GATA4: variants seen among roughly 807,000 people sequenced by gnomAD.
GATA4 encodes transcription factor GATA-4.
A neutral mutation model predicts 37.9 loss-of-function variants in GATA4; 7 were observed. The ratio of observed to expected loss-of-function variants is 0.18; its 90% CI spans 0.11 to 0.35. The LOEUF (loss-of-function observed/expected upper bound fraction) is 0.35, where lower values mean the gene tolerates loss of function less well. GATA4 is among the 10% of genes least tolerant of loss of function. The pLI is 1.00. For missense variants in GATA4, 647 were observed against 653.0 expected, an observed-to-expected ratio of 0.99 and a Z score of 0.10; for synonymous variants, 372 against 292.6, an observed-to-expected ratio of 1.27 and a Z score of -2.77.
intron 2 of GATA4, among the ~76,000 whole-genome samples, chr8:11,730,247 C>A (rs1801140442): frequency 6.6e-6 from 1 of 152,132 alleles, no homozygotes; most frequent in Non-Finnish European, 1.5e-5. Context: ...GAGTAAGGAT[C>A]CAGCTGTCTT....
At chr8:11,680,558 G>A in intron 1 of GATA4, 5 of 985,366 alleles carry the variant, frequency 5.1e-6, no homozygotes, top group Non-Finnish European at 6.0e-6. Flanking sequence ...GTGGTCGCAC[G>A]CTGGTGGGCC....
At chr8:11,739,035 T>C (rs1032671855) in intron 2 of GATA4, among the ~76,000 whole-genome samples, 14 of 152,190 alleles carry the variant, frequency 9.2e-5, no homozygotes, top group African/African-American at 3.4e-4. Context: ...TGAGCCCAGA[T>C]GGGGATGCCA....
chr8:11,687,104 G>C (rs183993211), intron 1 of GATA4, among the ~76,000 whole-genome samples: 1 of 152,182 alleles, frequency 6.6e-6, no homozygotes, highest in Non-Finnish European at 1.5e-5. Context: ...GATGTGCAGA[G>C]GATGCCTTCC....
In GATA4 at chr8:11,758,321, A is replaced by C. The variant is rs766572598; in HGVS notation, c.1178A>C (p.His393Pro). 39 of 1,613,994 alleles carry C rather than the reference A, an allele frequency of 2.4e-5. No individual in the cohort carries two copies. The highest frequency in any genetic ancestry group is 3.1e-5 in the Non-Finnish European group (36 of 1,180,030). The change falls in exon 7 of 7, where the codon CAT becomes CCT. Residue 393 changes from histidine (H) to proline (P), a missense_variant. By Grantham distance (77) the His-to-Pro change is moderately conservative. Around this residue, in one of 5 missense-constraint regions of GATA4, gnomAD observed 184 missense variants for 157.1 expected, o/e 1.17. Transcript: ENST00000532059. ...QTFSVSAMSG[H>P]GPSIHPVLSA... ...TTCTCAGTCAGTGCGATGTCTGGCC[A>C]TGGGCCCTCCATCCACCCTGTCCTC... is the stretch of plus-strand genomic sequence containing the variant.
chr8:11,708,512 C>T lies in GATA4; in HGVS notation c.200C>T (p.Ser67Leu), dbSNP rs758170804. 4.1e-6 allele frequency: 6 copies of T among 1,472,170 alleles called. No individual in the cohort carries two copies. The South Asian group carries it at 7.9e-5, about 19-fold the overall frequency. 91.2% of individuals were successfully genotyped at this position (1,472,170 alleles called of 1,614,324 possible). ...GGAGSASGGASGGSSGGAASG... is the reference protein window; with the variant it reads ...GGAGSASGGALGGSSGGAASG... ...GCGGGCTCTGCGTCCGGAGGCGCCTCGGGCGGCAGCTCCGGTGGGGCCGCG... is the reference window on the plus strand; with the variant it reads ...GCGGGCTCTGCGTCCGGAGGCGCCTTGGGCGGCAGCTCCGGTGGGGCCGCG... The change falls in exon 2 of 7, where the codon TCG becomes TTG. Residue 67 changes from serine (S) to leucine (L), a missense_variant. Physicochemically the swap from Ser to Leu is moderately radical, Grantham distance 145. Transcript: ENST00000532059. The surrounding 1 kb of genome is among the most constrained non-coding windows in gnomAD (Gnocchi z 6.7).
chr8:11,686,105 C>CT (rs1799126758), intron 1 of GATA4, among the ~76,000 whole-genome samples: 1 of 152,046 alleles, frequency 6.6e-6, no homozygotes, highest in Non-Finnish European at 1.5e-5. Context: ...CTTCCTCCTG[C>CT]TTTACAAGAA....
intron 4 of GATA4, among the ~76,000 whole-genome samples, chr8:11,753,255 C>T (rs183749266): frequency 8.6e-4 from 131 of 152,232 alleles, no homozygotes; most frequent in African/African-American, 3.0e-3. Flanking sequence ...GCCCCTGACA[C>T]CACATGTCAA....
intron 2 of GATA4, among the ~76,000 whole-genome samples, chr8:11,747,882 A>G (rs767685824): frequency 6.6e-6 from 1 of 152,252 alleles, no homozygotes; most frequent in Non-Finnish European, 1.5e-5. Context: ...TTTGGTATTA[A>G]GCAAACGACC....
At chr8:11,678,302 T>C (rs960200734) in intron 1 of GATA4, among the ~76,000 whole-genome samples, 5 of 152,186 alleles carry the variant, frequency 3.3e-5, no homozygotes, top group African/African-American at 1.2e-4. Flanking sequence ...ATTACAAATA[T>C]TAGCTTTGTG....
rs1175408542 is a variant in GATA4 at position 11,681,025 on chromosome 8, CT to C, written c.-274+3963del. 4.3e-6 allele frequency: 4 copies of C among 936,358 alleles called. No individual in the cohort carries two copies. The African/African-American group carries it at 7.1e-5, about 17-fold the overall frequency. 58.0% of individuals were successfully genotyped at this position (936,358 alleles called of 1,614,324 possible). ...GCACCCCCGAATCCCATACCCCAGG[CT>C]GCAAAGCACAGATCTAATGCCTTCC... On this transcript the variant is annotated intron_variant, in intron 1 of 6. Transcript: ENST00000528712.
At chr8:11,699,987 G>A (rs1343758453), upstream of GATA4, among the ~76,000 whole-genome samples, 1 of 152,190 alleles carries the variant, frequency 6.6e-6, no homozygotes, top group Admixed American at 6.5e-5. Context: ...CTAAGATTCA[G>A]GAATCCAGGT....
At chr8:11,724,811 G>A (rs1260703094) in intron 2 of GATA4, among the ~76,000 whole-genome samples, 1 of 152,242 alleles carries the variant, frequency 6.6e-6, no homozygotes, top group Admixed American at 6.5e-5. Context: ...CCCAGCCTTG[G>A]GAGTGAGTGG....
intron 2 of GATA4, among the ~76,000 whole-genome samples, chr8:11,746,789 T>A (rs1802055843): frequency 6.6e-6 from 1 of 152,202 alleles, no homozygotes; most frequent in African/African-American, 2.4e-5. Flanking sequence ...GCGACCTTGG[T>A]GGAGGCTGTC....
In GATA4 at chr8:11,708,889, C is replaced by G; in HGVS notation, c.577C>G (p.Pro193Ala). 1 of 1,528,464 alleles carries G rather than the reference C, an allele frequency of 6.5e-7. No individual in the cohort carries two copies. Among genetic ancestry groups the G allele is most frequent in the African/African-American group, 1.4e-5 (1 of 72,394 alleles). 94.7% of individuals were successfully genotyped at this position (1,528,464 alleles called of 1,614,324 possible). A position where few individuals can be genotyped will look rare whatever the true frequency, so the allele number is the denominator to read the frequency against. The change falls in exon 2 of 7, where the codon CCC (proline) becomes GCC (alanine). Residue 193 changes from proline (P) to alanine (A), a missense_variant. By Grantham distance (27) the Pro-to-Ala change is conservative. Around this residue, in one of 5 missense-constraint regions of GATA4, gnomAD observed 379 missense variants for 334.5 expected, o/e 1.13. Transcript: ENST00000532059. The surrounding 1 kb of genome is among the most constrained non-coding windows in gnomAD (Gnocchi z 6.7). The part of the protein sequence containing the change: ...PFDSPVLHSL[P>A]GRANPAARHP... ...CGACAGCCCGGTCCTGCACAGCCTG[C>G]CCGGCCGGGCCAACCCGGCCGCCCG...
chr8:11,694,261 T>C (rs1299086873), intron 1 of GATA4, among the ~76,000 whole-genome samples: 1 of 152,236 alleles, frequency 6.6e-6, no homozygotes, highest in Non-Finnish European at 1.5e-5. Flanking sequence ...GGAATTCGAA[T>C]AATTCTGGAT....
upstream of GATA4, among the ~76,000 whole-genome samples, chr8:11,703,281 G>T (rs539149059): frequency 4.6e-5 from 7 of 152,270 alleles, no homozygotes; most frequent in African/African-American, 1.4e-4. Flanking sequence ...GCGGTAATAG[G>T]GCCCTGTGAT....
chr8:11,682,387 G>C (rs934748684), intron 1 of GATA4, among the ~76,000 whole-genome samples: 6 of 152,192 alleles, frequency 3.9e-5, no homozygotes, highest in African/African-American at 1.4e-4. Flanking sequence ...TCATAATAAT[G>C]ATAGAACAAT....
chr8:11,698,656 C>T (rs1192815921), intron 1 of GATA4, among the ~76,000 whole-genome samples: 1 of 152,156 alleles, frequency 6.6e-6, no homozygotes, highest in Non-Finnish European at 1.5e-5. Flanking sequence ...GTGCCCCTGG[C>T]TTCTGGTCAG....
intron 2 of GATA4, among the ~76,000 whole-genome samples, chr8:11,745,411 CAAAAAAAAAA>C (rs3030049): frequency 1.5e-4 from 16 of 104,034 alleles, no homozygotes; most frequent in Non-Finnish European, 2.1e-4. Context: ...TTGTCTCTAC[CAAAAAAAAAA>C]AAAAAAAAAA....
Sources: allele counts gnomAD v4.1 joint callset (sites outside exome capture counted in the v4.1 genomes callset), GRCh38; gene constraint gnomAD v4.1.1; regional missense constraint gnomAD v4.1.1; non-coding constraint Gnocchi (gnomAD v3.1); transcripts MANE v1.5; gene names NCBI Gene and HGNC (gene_info 2026-07-23, HGNC 2026-07-21).